The following BBX variants were observed in gnomAD, a reference collection of about 807,000 sequenced individuals.
BBX encodes BBX high mobility group box domain containing, also known as HMG box transcription factor BBX.
Under a neutral mutation model 100.2 loss-of-function variants are expected in BBX, and 30 were observed. The ratio of observed to expected loss-of-function variants is 0.30; its 90% CI spans 0.22 to 0.41. The LOEUF (loss-of-function observed/expected upper bound fraction) is 0.41. Ranked by LOEUF, BBX falls within the 10% of genes least tolerant of loss-of-function variation. The pLI, the probability that BBX is intolerant of heterozygous loss-of-function variation, is 1.00. For missense variants in BBX, 1,023 were observed against 1,129.8 expected, an observed-to-expected ratio of 0.91 and a Z score of 1.35; for synonymous variants, 376 against 388.1, an observed-to-expected ratio of 0.97 and a Z score of 0.37.
At chr3:107,580,164 A>G (rs912951209) in intron 2 of BBX, among the ~76,000 whole-genome samples, 49 of 152,204 alleles carry the variant, frequency 3.2e-4, no homozygotes, top group Non-Finnish European at 6.2e-4. Context: ...CATCAGTTAT[A>G]GAGTCCAATT....
chr3:107,756,003 C>T (rs1321007567), intron 10 of BBX, among the ~76,000 whole-genome samples: 2 of 152,124 alleles, frequency 1.3e-5, no homozygotes, highest in African/African-American at 2.4e-5. Flanking sequence ...TTCTGATTCC[C>T]GTAAACCGTC....
intron 13 of BBX, among the ~76,000 whole-genome samples, chr3:107,779,875 C>A (rs1309734792): frequency 6.6e-6 from 1 of 151,990 alleles, no homozygotes; most frequent in Admixed American, 6.6e-5. Flanking sequence ...AAGAAAATTT[C>A]CCCTTCATGA....
rs558022167 is a variant in BBX at position 107,680,741 on chromosome 3, A to C, written c.-9-29711A>C. 3.9e-5 allele frequency among the ~76,000 whole-genome samples: 6 copies of C among 152,322 alleles called. No individual in the cohort carries two copies. In the East Asian group the frequency reaches 1.2e-3, roughly 29 times the overall value. On this transcript the variant is annotated intron_variant, in intron 3 of 17. Transcript: ENST00000325805. Reference sequence around the variant, plus strand: ...ATAAGGAAGACACTCAAGTTTCAACATCCACACTAAGTGATCATGAAGTTC... The same window carrying C: ...ATAAGGAAGACACTCAAGTTTCAACCTCCACACTAAGTGATCATGAAGTTC...
At chr3:107,599,906 A>G (rs2053943381) in intron 2 of BBX, among the ~76,000 whole-genome samples, 1 of 71,588 alleles carries the variant, frequency 1.4e-5, no homozygotes, top group Non-Finnish European at 2.7e-5. Context: ...TTATTTATGA[A>G]CCACATGACA....
In BBX at chr3:107,584,079, T is replaced by A. The variant is rs839983; in HGVS notation, c.-84+57681T>A. The stretch of plus-strand genomic sequence containing the variant: ...TTATATATATCATATATTATATATA[T>A]TATATATATCATATATTATATATAT... On this transcript the variant is annotated intron_variant, in intron 2 of 17. Transcript: ENST00000325805. Among the ~76,000 whole-genome samples, 15 of 22,874 alleles carry A rather than the reference T, an allele frequency of 6.6e-4. 2 individuals carry two copies. The South Asian group carries it at 7.3e-3, about 11-fold the overall frequency. The allele number at this position is 22,874 out of a possible 152,430, so 15.0% of individuals were successfully genotyped here.
chr3:107,576,132 C>T (rs970145080), intron 2 of BBX, among the ~76,000 whole-genome samples: 1 of 152,136 alleles, frequency 6.6e-6, no homozygotes, highest in African/African-American at 2.4e-5. Context: ...ACCAAATGTT[C>T]CCATCATATT....
At chr3:107,639,873 C>T (rs753848440) in intron 2 of BBX, among the ~76,000 whole-genome samples, 1 of 152,172 alleles carries the variant, frequency 6.6e-6, no homozygotes, top group Non-Finnish European at 1.5e-5. Flanking sequence ...AAAATAAAAT[C>T]TATGGTGAAA....
intron 6 of BBX, 151 bp from the exon 7 acceptor site, chr3:107,732,805 T>C (rs1560060777): frequency 4.8e-6 from 3 of 623,924 alleles, no homozygotes; most frequent in South Asian, 2.0e-5. Flanking sequence ...CAGGTTACTG[T>C]TGCATAAAGA....
intron 3 of BBX, among the ~76,000 whole-genome samples, chr3:107,702,506 A>G (rs2061138232): frequency 6.6e-6 from 1 of 152,226 alleles, no homozygotes; most frequent in Non-Finnish European, 1.5e-5. Context: ...ATAAGAAAAC[A>G]GAGAAGTATT....
intron 3 of BBX, among the ~76,000 whole-genome samples, chr3:107,685,119 A>T (rs1452413811): frequency 3.9e-5 from 6 of 152,196 alleles, no homozygotes; most frequent in Non-Finnish European, 8.8e-5. Context: ...AACAGAAAAT[A>T]AGAATGTATT....
Position 107,660,817 on chromosome 3 carries a change from A to G in BBX, c.-10+14908A>G, listed in dbSNP as rs191489840. On this transcript the variant is annotated intron_variant, in intron 3 of 17. Transcript: ENST00000325805. ...GCCCCTCAAAAGAGAATACTCGTGCATACAAAGAGCAATACATTTTATAAT... is the reference window on the plus strand; with the variant it reads ...GCCCCTCAAAAGAGAATACTCGTGCGTACAAAGAGCAATACATTTTATAAT... Among the ~76,000 whole-genome samples the G allele has an allele frequency of 5.3e-5, 8 of 152,308 alleles. No homozygotes were observed. In the East Asian group the frequency reaches 9.6e-4, roughly 18 times the overall value.
chr3:107,679,331 A>G (rs934320121), intron 3 of BBX, among the ~76,000 whole-genome samples: 2 of 152,162 alleles, frequency 1.3e-5, no homozygotes, highest in Non-Finnish European at 1.5e-5. Context: ...TGGAATTTAC[A>G]TATCATGGTA....
At chr3:107,553,940 A>G (rs2049888933) in intron 2 of BBX, among the ~76,000 whole-genome samples, 1 of 151,940 alleles carries the variant, frequency 6.6e-6, no homozygotes, top group Non-Finnish European at 1.5e-5. Context: ...TAGGTTTGTT[A>G]TGTGTTTTTT....
chr3:107,548,986 A>G (rs776033743), intron 2 of BBX, among the ~76,000 whole-genome samples: 1 of 152,138 alleles, frequency 6.6e-6, no homozygotes, highest in Non-Finnish European at 1.5e-5. Flanking sequence ...CCTGGGGACT[A>G]TTAGATGGGG....
At chr3:107,683,169 T>C (rs2059658399) in intron 3 of BBX, among the ~76,000 whole-genome samples, 1 of 152,138 alleles carries the variant, frequency 6.6e-6, no homozygotes, top group African/African-American at 2.4e-5. Flanking sequence ...TACATAAATG[T>C]TACTGTAAAT....
In BBX at chr3:107,773,494, G is replaced by A. The variant is rs1293581101; in HGVS notation, c.1773G>A (p.Gln591=). ...CACTACCACCCAGCCTATCAGGACA[G>A]GCCAAGCCTGAGGACAGTGACTGTC... ...EDALPPSLSG[Q]AKPEDSDCHR... is the part of the protein sequence containing the mutation. The change falls in exon 11 of 18, where the codon CAG becomes CAA. Residue 591 remains glutamine (Q), a synonymous_variant. Coordinates refer to ENST00000325805, the MANE Select transcript of BBX (RefSeq NM_001142568.3). The surrounding 1 kb of genome is among the most constrained non-coding windows in gnomAD (Gnocchi z 4.1). 3 of 1,614,114 alleles carry A rather than the reference G, an allele frequency of 1.9e-6. No homozygotes were observed. The highest frequency in any genetic ancestry group is 1.6e-4 in the Middle Eastern group (1 of 6,062).
intron 15 of BBX, among the ~76,000 whole-genome samples, chr3:107,797,053 T>C (rs2069754212): frequency 6.6e-6 from 1 of 152,080 alleles, no homozygotes; most frequent in African/African-American, 2.4e-5. Flanking sequence ...ATACTTTCTT[T>C]TGATGTAATT....
chr3:107,757,731 A>G (rs1035438066), intron 10 of BBX, among the ~76,000 whole-genome samples: 1 of 152,158 alleles, frequency 6.6e-6, no homozygotes, highest in Non-Finnish European at 1.5e-5. Flanking sequence ...TTTTTATTGC[A>G]TGTGTACTTG....
intron 2 of BBX, among the ~76,000 whole-genome samples, chr3:107,612,864 G>A (rs1294137481): frequency 1.3e-5 from 2 of 152,210 alleles, no homozygotes; most frequent in Non-Finnish European, 2.9e-5. Context: ...GGTGGGTCCA[G>A]AGATGCTGTC....
Sources: allele counts gnomAD v4.1 joint callset (sites outside exome capture counted in the v4.1 genomes callset), GRCh38; gene constraint gnomAD v4.1.1; non-coding constraint Gnocchi (gnomAD v3.1); transcripts MANE v1.5; gene names NCBI Gene and HGNC (gene_info 2026-07-23, HGNC 2026-07-21).